Variants in RGS6 observed in about 807,000 individuals in gnomAD.
RGS6 encodes regulator of G protein signaling 6, also known as regulator of G-protein signaling 6.
Under a neutral mutation model 78.5 loss-of-function variants are expected in RGS6, and 30 were observed. The ratio of observed to expected loss-of-function variants is 0.38; its 90% CI spans 0.29 to 0.52. The LOEUF (loss-of-function observed/expected upper bound fraction) is 0.52, where lower values mean the gene tolerates loss of function less well. RGS6 is among the 20% of genes least tolerant of loss of function. The pLI is 0.85. For synonymous variants in RGS6, 206 were observed against 206.0 expected, an observed-to-expected ratio of 1.00 and a Z score of 0.00; for missense variants, 495 against 609.7, an observed-to-expected ratio of 0.81 and a Z score of 1.98.
chr14:72,235,659 G>T (rs2050819536), intron 2 of RGS6, among the ~76,000 whole-genome samples: 1 of 152,140 alleles, frequency 6.6e-6, no homozygotes, highest in Admixed American at 6.5e-5. Context: ...CTCAATGGTT[G>T]CTCCTTTGTA....
intron 2 of RGS6, among the ~76,000 whole-genome samples, chr14:72,036,348 G>A (rs1451517979): frequency 2.6e-5 from 4 of 151,786 alleles, no homozygotes; most frequent in Non-Finnish European, 2.9e-5. Flanking sequence ...TAAGAATTAA[G>A]CTTCTATAAT....
intron 2 of RGS6, among the ~76,000 whole-genome samples, chr14:71,980,376 G>A (rs1566950573): frequency 1.3e-5 from 2 of 150,986 alleles, no homozygotes; most frequent in Admixed American, 6.6e-5. Flanking sequence ...TTACATTTTG[G>A]TATGATTTTG....
intron 2 of RGS6, among the ~76,000 whole-genome samples, chr14:71,984,484 G>A (rs10140973): frequency 0.017 from 1,975 of 117,236 alleles, no homozygotes; most frequent in African/African-American, 0.019. Flanking sequence ...GTCTCAAAAA[G>A]AAAAAAAAAA....
At chr14:72,191,529 G>A (rs1240243890) in intron 2 of RGS6, among the ~76,000 whole-genome samples, 1 of 152,320 alleles carries the variant, frequency 6.6e-6, no homozygotes, top group East Asian at 1.9e-4. Context: ...AGAAGATGAA[G>A]GAAGAGCAAA....
chr14:72,500,750 G>T (rs773158836), intron 13 of RGS6, among the ~76,000 whole-genome samples: 1 of 152,160 alleles, frequency 6.6e-6, no homozygotes, highest in Non-Finnish European at 1.5e-5. Context: ...CGAGACAAAT[G>T]TATTCTCTGT....
chr14:71,872,470 G>A, the RGS6 span, among the ~76,000 whole-genome samples: 1 of 152,118 alleles, frequency 6.6e-6, no homozygotes, highest in African/African-American at 2.4e-5. Context: ...CTCACTAGCT[G>A]CTATGGATAC....
chr14:71,926,537 T>C, the RGS6 span, among the ~76,000 whole-genome samples: 8 of 134,580 alleles, frequency 5.9e-5, no homozygotes, highest in African/African-American at 2.3e-4. Context: ...TGAGCCAAGA[T>C]AGCGCCATTG....
intron 2 of RGS6, among the ~76,000 whole-genome samples, chr14:71,976,203 C>A (rs189874148): frequency 1.5e-4 from 23 of 150,228 alleles, no homozygotes; most frequent in African/African-American, 7.3e-5. Context: ...TTTCTACTAA[C>A]CTTTTCTTTC....
At chr14:71,870,040 T>C in the RGS6 span, among the ~76,000 whole-genome samples, 2 of 152,210 alleles carry the variant, frequency 1.3e-5, no homozygotes, top group East Asian at 1.9e-4. Flanking sequence ...TATTCTGTTA[T>C]AGCAGCACAA....
At chr14:72,018,002 C>G (rs976984110) in intron 2 of RGS6, among the ~76,000 whole-genome samples, 3 of 152,156 alleles carry the variant, frequency 2.0e-5, no homozygotes, top group African/African-American at 7.2e-5. Flanking sequence ...TCAGCTCCCA[C>G]TTATAAGTGA....
At chr14:72,385,536 G>A (rs544641883) in intron 3 of RGS6, among the ~76,000 whole-genome samples, 1 of 152,304 alleles carries the variant, frequency 6.6e-6, no homozygotes, top group South Asian at 2.1e-4. Context: ...AATCAGTTCT[G>A]AATGCCTGTT....
chr14:72,482,563 A>G (rs971676018), intron 12 of RGS6, among the ~76,000 whole-genome samples: 13 of 152,208 alleles, frequency 8.5e-5, no homozygotes, highest in Non-Finnish European at 1.9e-4. Flanking sequence ...TGGGTTGGCG[A>G]GGCAGCTCTG....
intron 3 of RGS6, among the ~76,000 whole-genome samples, chr14:72,404,623 A>G (rs2092760203): frequency 6.6e-6 from 1 of 152,236 alleles, no homozygotes; most frequent in Non-Finnish European, 1.5e-5. Context: ...CAGAATTTCA[A>G]AAGATTTCAA....
chr14:72,453,991 G>A (rs78772133), intron 3 of RGS6, among the ~76,000 whole-genome samples: 1 of 152,218 alleles, frequency 6.6e-6, no homozygotes, highest in Admixed American at 6.5e-5. Flanking sequence ...TCTAAGTGCA[G>A]GGGAGGCTGG....
chr14:72,459,770 A>G (rs2095730350), intron 6 of RGS6, 87 bp downstream of exon 6: 3 of 1,289,134 alleles, frequency 2.3e-6, no homozygotes, highest in Admixed American at 1.7e-5. Context: ...GGTGTGGGCC[A>G]TGGTGGTACA....
chr14:72,172,353 C>T (rs1160123787), intron 2 of RGS6, among the ~76,000 whole-genome samples: 1 of 151,074 alleles, frequency 6.6e-6, no homozygotes, highest in Non-Finnish European at 1.5e-5. Flanking sequence ...CTTACAACAC[C>T]CTTGAAGCTT....
chr14:71,880,165 C>G, the RGS6 span, among the ~76,000 whole-genome samples: 1 of 152,178 alleles, frequency 6.6e-6, no homozygotes, highest in Admixed American at 6.5e-5. Flanking sequence ...TTTAGGGTAT[C>G]TGGCAGCAGA....
intron 15 of RGS6, among the ~76,000 whole-genome samples, chr14:72,528,567 C>T (rs961927390): frequency 6.6e-6 from 1 of 152,136 alleles, no homozygotes; most frequent in Non-Finnish European, 1.5e-5. Flanking sequence ...TGGGAGTGAC[C>T]TCTGGTAGTT....
chr14:72,490,521 C>T (rs926391592), intron 12 of RGS6, among the ~76,000 whole-genome samples: 18 of 152,122 alleles, frequency 1.2e-4, no homozygotes, highest in African/African-American at 2.2e-4. Context: ...CCCGTGGTTT[C>T]GCTTGTCTAT....
Sources: gnomAD v4.1 joint callset for allele counts (sites outside exome capture counted in the v4.1 genomes callset) on GRCh38, gnomAD v4.1.1 for gene constraint, MANE v1.5 for transcripts, NCBI Gene and HGNC (gene_info 2026-07-23, HGNC 2026-07-21) for gene names.